BBS9: variants seen among roughly 807,000 people sequenced by gnomAD.
BBS9 encodes the protein protein PTHB1.
In BBS9, 89 loss-of-function variants were observed where a neutral mutation model predicts 117.7. The observed-to-expected ratio is 0.76, with a 90% CI of 0.64 to 0.90. The LOEUF is 0.90. BBS9 is among the 40% of genes least tolerant of loss of function. The probability of loss-of-function intolerance (pLI) is 0.00; values close to 1 mark genes in which losing one functional copy is unlikely to be tolerated. For synonymous variants in BBS9, 379 were observed against 370.9 expected, an observed-to-expected ratio of 1.02 and a Z score of -0.25; for missense variants, 982 against 1,042.2, an observed-to-expected ratio of 0.94 and a Z score of 0.80.
At chr7:33,553,167 G>A (rs935140361) in intron 21 of BBS9, among the ~76,000 whole-genome samples, 2 of 152,168 alleles carry the variant, frequency 1.3e-5, no homozygotes, top group Admixed American at 6.5e-5. Flanking sequence ...GATGTCTTCT[G>A]TGACCCCTAT....
In BBS9 at chr7:33,465,238, GA is replaced by G. The variant is rs540345664; in HGVS notation, c.2116-40214del. On this transcript the variant is annotated intron_variant, in intron 19 of 22. Transcript: ENST00000242067. The stretch of plus-strand genomic sequence containing the variant: ...GTGCTAGAAAGCTAGTGTCTGTAAG[GA>G]AAAAAAAAAACATGATTTATTCTTT... Among the ~76,000 whole-genome samples the G allele has an allele frequency of 7.3e-3, 1,027 of 140,000 alleles. 7 individuals carry two copies. The highest frequency in any genetic ancestry group is 0.02 in the African/African-American group (766 of 38,396). The allele number at this position is 140,000 out of a possible 152,430, so 91.8% of individuals were successfully genotyped here. A position where few individuals can be genotyped will look rare whatever the true frequency, so the allele number is the denominator to read the frequency against.
At chr7:33,397,388 AG>A (rs1371226034) in intron 19 of BBS9, among the ~76,000 whole-genome samples, 1 of 152,214 alleles carries the variant, frequency 6.6e-6, no homozygotes, top group African/African-American at 2.4e-5. Flanking sequence ...AATTTAGTTC[AG>A]CCTTGTGGAA....
intron 19 of BBS9, among the ~76,000 whole-genome samples, chr7:33,407,010 G>T (rs934143511): frequency 2.4e-5 from 3 of 123,098 alleles, no homozygotes; most frequent in Non-Finnish European, 3.4e-5. Context: ...AGTTCTCCTG[G>T]ATAATATCCT....
chr7:33,556,035 C>T (rs1855235615), intron 21 of BBS9, among the ~76,000 whole-genome samples: 1 of 152,126 alleles, frequency 6.6e-6, no homozygotes, highest in Non-Finnish European at 1.5e-5. Flanking sequence ...GTTTATCTAA[C>T]TGATCACACT....
At chr7:33,562,785 A>G (rs1286889322) in intron 21 of BBS9, among the ~76,000 whole-genome samples, 2 of 152,104 alleles carry the variant, frequency 1.3e-5, no homozygotes, top group Non-Finnish European at 2.9e-5. Flanking sequence ...TTAGCCGGGC[A>G]TGGTGGCACG....
chr7:33,622,120 G>C (rs1414481574), intron 21 of BBS9, among the ~76,000 whole-genome samples: 2 of 152,186 alleles, frequency 1.3e-5, no homozygotes, highest in East Asian at 1.9e-4. Flanking sequence ...TGAGGTAGGA[G>C]AATCGCTTGA....
intron 5 of BBS9, among the ~76,000 whole-genome samples, chr7:33,180,431 G>A (rs1797935878): frequency 6.6e-6 from 1 of 150,720 alleles, no homozygotes; most frequent in African/African-American, 2.4e-5. Flanking sequence ...TGTGATCTCG[G>A]CTCACTGCAA....
intron 21 of BBS9, among the ~76,000 whole-genome samples, chr7:33,620,500 T>G (rs2129222217): frequency 6.6e-6 from 1 of 152,082 alleles, no homozygotes; most frequent in Admixed American, 6.6e-5. Flanking sequence ...AAATCCCATT[T>G]GCAATAATAA....
intron 4 of BBS9, among the ~76,000 whole-genome samples, chr7:33,171,903 G>A (rs554046212): frequency 2.0e-5 from 3 of 152,152 alleles, no homozygotes; most frequent in Non-Finnish European, 4.4e-5. Context: ...GGCTTATGAA[G>A]GTCAAGGCCT....
intron 17 of BBS9, among the ~76,000 whole-genome samples, chr7:33,381,937 G>A (rs1014850184): frequency 1.3e-5 from 2 of 152,144 alleles, no homozygotes; most frequent in African/African-American, 2.4e-5. Context: ...TAACCAATCC[G>A]AAGAAGTAAT....
chr7:33,287,963 G>C (rs1233319289), intron 9 of BBS9, among the ~76,000 whole-genome samples: 1 of 152,094 alleles, frequency 6.6e-6, no homozygotes, highest in African/African-American at 2.4e-5. Context: ...GCACAGCGGG[G>C]CTTGCCTAAG....
At chr7:33,524,587 G>A (rs1271452333) in intron 20 of BBS9, among the ~76,000 whole-genome samples, 1 of 152,134 alleles carries the variant, frequency 6.6e-6, no homozygotes, top group Non-Finnish European at 1.5e-5. Context: ...TGTGGGATCG[G>A]TGGTGATATC....
intron 19 of BBS9, among the ~76,000 whole-genome samples, chr7:33,452,103 G>A (rs1231587517): frequency 1.3e-5 from 2 of 152,088 alleles, no homozygotes; most frequent in African/African-American, 4.8e-5. Context: ...CCAAGTGCTG[G>A]AATTACAGGC....
In BBS9 at chr7:33,490,582, T is replaced by C. The variant is rs150227506; in HGVS notation, c.2116-14881T>C. On this transcript the variant is annotated intron_variant, in intron 19 of 22. Transcript: ENST00000242067. ...AATGTCACTATCTCACAAATGTTTA[T>C]TAACCCCAGTTTCAGTTGCTCATTG... is the stretch of plus-strand genomic sequence containing the variant. Among the ~76,000 whole-genome samples the C allele has an allele frequency of 6.6e-4, 100 of 152,332 alleles. 1 individual carries two copies. The East Asian group carries it at 0.016, about 25-fold the overall frequency.
intron 19 of BBS9, among the ~76,000 whole-genome samples, chr7:33,467,571 C>T (rs915809022): frequency 2.1e-5 from 3 of 142,782 alleles, no homozygotes; most frequent in African/African-American, 8.3e-5. Flanking sequence ...CCCCCAACTC[C>T]GCCACCTCCA....
intron 21 of BBS9, among the ~76,000 whole-genome samples, chr7:33,581,174 TGGGCCA>T (rs1453328110): frequency 6.6e-6 from 1 of 152,046 alleles, no homozygotes; most frequent in Non-Finnish European, 1.5e-5. Flanking sequence ...ATGTCCATCT[TGGGCCA>T]AGACACTGTG....
intron 21 of BBS9, among the ~76,000 whole-genome samples, chr7:33,557,112 CAAT>C (rs1390600022): frequency 6.6e-6 from 1 of 152,022 alleles, no homozygotes; most frequent in African/African-American, 2.4e-5. Context: ...CTACAAATGC[CAAT>C]AATAATATTT....
At chr7:33,628,756 T>C (rs1865756219) in intron 21 of BBS9, among the ~76,000 whole-genome samples, 1 of 152,212 alleles carries the variant, frequency 6.6e-6, no homozygotes, top group African/African-American at 2.4e-5. Context: ...TCCCAGATAA[T>C]GTCATTCTCA....
At chr7:33,455,604 A>T (rs1402045142) in intron 19 of BBS9, among the ~76,000 whole-genome samples, 3 of 152,150 alleles carry the variant, frequency 2.0e-5, no homozygotes, top group African/African-American at 7.2e-5. Context: ...CTTCACCAAA[A>T]CTATCCCCGC....
Sources: allele counts gnomAD v4.1 joint callset (sites outside exome capture counted in the v4.1 genomes callset), GRCh38; gene constraint gnomAD v4.1.1; transcripts MANE v1.5; gene names NCBI Gene and HGNC (gene_info 2026-07-23, HGNC 2026-07-21).